ELP4: variants seen among roughly 807,000 people sequenced by gnomAD.
ELP4 encodes the protein elongator acetyltransferase complex subunit 4, also known as elongator complex protein 4.
A neutral mutation model predicts 48.9 loss-of-function variants in ELP4; 51 were observed. That is an observed-to-expected ratio of 1.04 (90% CI 0.83 to 1.32). The LOEUF (loss-of-function observed/expected upper bound fraction) is 1.32. Among genes scored for constraint, ELP4 ranks in the 40% most tolerant of loss-of-function variants. ELP4 has a pLI of 0.00. For synonymous variants in ELP4, 210 were observed against 189.2 expected, an observed-to-expected ratio of 1.11 and a Z score of -0.90; for missense variants, 519 against 514.6, an observed-to-expected ratio of 1.01 and a Z score of -0.08.
At chr11:31,642,405 A>G (rs1945117566) in intron 7 of ELP4, among the ~76,000 whole-genome samples, 1 of 151,930 alleles carries the variant, frequency 6.6e-6, no homozygotes, top group South Asian at 2.1e-4. Flanking sequence ...TTGACCATGT[A>G]GAAAACACAA....
intron 9 of ELP4, among the ~76,000 whole-genome samples, chr11:31,756,387 A>G (rs1374392556): frequency 2.0e-5 from 3 of 152,168 alleles, no homozygotes; most frequent in African/African-American, 7.2e-5. Context: ...GGCACAAACC[A>G]TAATCACCAT....
chr11:31,644,081 A>C (rs1232378644), intron 7 of ELP4, among the ~76,000 whole-genome samples: 1 of 151,768 alleles, frequency 6.6e-6, no homozygotes, highest in Non-Finnish European at 1.5e-5. Context: ...CTTGGCTACT[A>C]TCCAGAGCTG....
At chr11:31,544,265 A>G (rs1956650389) in intron 3 of ELP4, among the ~76,000 whole-genome samples, 1 of 152,228 alleles carries the variant, frequency 6.6e-6, no homozygotes, top group South Asian at 2.1e-4. Flanking sequence ...GGGGTGACAG[A>G]CGGCACCTGG....
chr11:31,575,861 G>A (rs1957266702), intron 3 of ELP4, among the ~76,000 whole-genome samples: 2 of 152,122 alleles, frequency 1.3e-5, no homozygotes, highest in Non-Finnish European at 2.9e-5. Flanking sequence ...GACCACCAAT[G>A]CTAGGAAGAA....
At chr11:31,716,965 T>G (rs1946854169) in intron 9 of ELP4, among the ~76,000 whole-genome samples, 2 of 152,194 alleles carry the variant, frequency 1.3e-5, no homozygotes, top group Admixed American at 6.5e-5. Flanking sequence ...ATGGATGAGA[T>G]TCTATTGACC....
intron 9 of ELP4, among the ~76,000 whole-genome samples, chr11:31,694,817 T>G (rs1264240884): frequency 3.3e-5 from 5 of 152,100 alleles, no homozygotes; most frequent in African/African-American, 7.2e-5. Context: ...CCATTTGTTT[T>G]TATCCTTTTT....
At chr11:31,615,270 A>G (rs1039371639) in intron 5 of ELP4, among the ~76,000 whole-genome samples, 1 of 152,086 alleles carries the variant, frequency 6.6e-6, no homozygotes, top group African/African-American at 2.4e-5. Context: ...TTAAATGGGT[A>G]AGAAAAAATT....
At chr11:31,543,003 T>C (rs1956617346) in intron 3 of ELP4, among the ~76,000 whole-genome samples, 1 of 151,984 alleles carries the variant, frequency 6.6e-6, no homozygotes. Flanking sequence ...GTGACTGCAA[T>C]GAAAAATACA....
intron 9 of ELP4, among the ~76,000 whole-genome samples, chr11:31,672,451 T>C (rs1945829630): frequency 6.6e-6 from 1 of 152,206 alleles, no homozygotes; most frequent in African/African-American, 2.4e-5. Context: ...GAAAAACCTA[T>C]ATAACTTTTT....
At chr11:31,625,470 A>C (rs1944723042) in intron 5 of ELP4, among the ~76,000 whole-genome samples, 1 of 151,852 alleles carries the variant, frequency 6.6e-6, no homozygotes, top group African/African-American at 2.4e-5. Context: ...ATGAACTTTT[A>C]ACCTTCAAAC....
intron 3 of ELP4, among the ~76,000 whole-genome samples, chr11:31,542,967 G>C (rs746709329): frequency 1.3e-5 from 2 of 152,128 alleles, no homozygotes; most frequent in Non-Finnish European, 2.9e-5. Context: ...ATAAACACAA[G>C]TTAAACTTTT....
chr11:31,580,051 A>G (rs1957361891), intron 3 of ELP4, among the ~76,000 whole-genome samples: 1 of 152,178 alleles, frequency 6.6e-6, no homozygotes, highest in Non-Finnish European at 1.5e-5. Flanking sequence ...AGAAATATCA[A>G]AGTTAATGGA....
chr11:31,544,878 T>A (rs1282668180), intron 3 of ELP4, among the ~76,000 whole-genome samples: 2 of 152,154 alleles, frequency 1.3e-5, no homozygotes, highest in African/African-American at 4.8e-5. Context: ...CTGCTGCTAA[T>A]ACCCAGGCAA....
intron 9 of ELP4, among the ~76,000 whole-genome samples, chr11:31,729,495 C>T (rs1461736174): frequency 6.6e-6 from 1 of 152,188 alleles, no homozygotes; most frequent in Non-Finnish European, 1.5e-5. Context: ...CCAATACTGA[C>T]ATACTAGAAA....
chr11:31,724,507 T>C (rs1565127725), intron 9 of ELP4, among the ~76,000 whole-genome samples: 2 of 152,354 alleles, frequency 1.3e-5, no homozygotes, highest in East Asian at 3.9e-4. Context: ...TAATAAGCCG[T>C]GTAATTCCTT....
chr11:31,567,111 T>G (rs1266489590), intron 3 of ELP4, among the ~76,000 whole-genome samples: 1 of 152,158 alleles, frequency 6.6e-6, no homozygotes, highest in Non-Finnish European at 1.5e-5. Flanking sequence ...CTTTGTATTT[T>G]TAGTAGAGAT....
At chr11:31,564,883 T>C (rs1957082289) in intron 3 of ELP4, among the ~76,000 whole-genome samples, 1 of 152,198 alleles carries the variant, frequency 6.6e-6, no homozygotes, top group East Asian at 1.9e-4. Flanking sequence ...ATCCTTTGGG[T>C]ATATACCCAG....
chr11:31,562,177 T>G (rs1957034497), intron 3 of ELP4, among the ~76,000 whole-genome samples: 1 of 152,246 alleles, frequency 6.6e-6, no homozygotes, highest in East Asian at 1.9e-4. Context: ...GGAAATTGTT[T>G]TGAGATCTTT....
chr11:31,703,982 C>G (rs1446580794), intron 9 of ELP4, among the ~76,000 whole-genome samples: 1 of 152,090 alleles, frequency 6.6e-6, no homozygotes, highest in Non-Finnish European at 1.5e-5. Context: ...CTAACTTAAG[C>G]TACAGCACAC....
Sources: allele counts gnomAD v4.1 joint callset (sites outside exome capture counted in the v4.1 genomes callset), GRCh38; gene constraint gnomAD v4.1.1; transcripts MANE v1.5; gene names NCBI Gene and HGNC (gene_info 2026-07-23, HGNC 2026-07-21).